The following BTG4 variants were observed in gnomAD, a reference collection of about 807,000 sequenced individuals.
The protein encoded by BTG4 is BTG anti-proliferation factor 4, also known as protein BTG4.
A neutral mutation model predicts 19.3 loss-of-function variants in BTG4; 10 were observed. The ratio of observed to expected loss-of-function variants is 0.52; its 90% confidence interval spans 0.32 to 0.88. The LOEUF (loss-of-function observed/expected upper bound fraction) is 0.88. Among genes scored for constraint, BTG4 ranks in the 40% least tolerant of loss-of-function variants. The pLI is 0.04. For missense variants in BTG4, 238 were observed against 281.9 expected, an observed-to-expected ratio of 0.84 and a Z score of 1.11; for synonymous variants, 91 against 95.7, an observed-to-expected ratio of 0.95 and a Z score of 0.29.
downstream of BTG4, among the ~76,000 whole-genome samples, chr11:111,494,627 G>A (rs893101503): frequency 2.0e-5 from 3 of 152,068 alleles, no homozygotes; most frequent in Non-Finnish European, 4.4e-5. Context: ...GAGGGTGAGG[G>A]GAGAAAGAAT....
the BTG4 span, chr11:111,452,508 C>A: frequency 6.6e-6 from 1 of 152,274 alleles, no homozygotes; most frequent in Non-Finnish European, 1.5e-5. Context: ...CGCCAGGATC[C>A]CCCAGGCCCT....
At chr11:111,420,597 G>T in the BTG4 span, among the ~76,000 whole-genome samples, 3 of 152,334 alleles carry the variant, frequency 2.0e-5, no homozygotes, top group East Asian at 5.8e-4. Flanking sequence ...GAGCTACTTT[G>T]CCCACCTGTG....
the BTG4 span, chr11:111,452,384 AC>A: frequency 6.6e-6 from 1 of 152,268 alleles, no homozygotes; most frequent in African/African-American, 2.4e-5. Context: ...TGGGACAAAG[AC>A]TGAACAGACT....
the BTG4 span, among the ~76,000 whole-genome samples, chr11:111,390,788 C>T: frequency 3.3e-5 from 5 of 152,200 alleles, no homozygotes; most frequent in Non-Finnish European, 5.9e-5. Context: ...ACTTGAACAT[C>T]TCATGATGCA....
the BTG4 span, among the ~76,000 whole-genome samples, chr11:111,433,292 A>G: frequency 6.6e-6 from 1 of 152,246 alleles, no homozygotes; most frequent in Admixed American, 6.5e-5. Context: ...TGACAAAAAC[A>G]AGCAACAGGG....
At chr11:111,413,373 G>A in the BTG4 span, among the ~76,000 whole-genome samples, 8 of 152,168 alleles carry the variant, frequency 5.3e-5, no homozygotes, top group Admixed American at 2.0e-4. Flanking sequence ...TCAGGTGATC[G>A]GAATGCACAC....
chr11:111,414,957 G>C, the BTG4 span: 12 of 152,244 alleles, frequency 7.9e-5, no homozygotes, highest in Non-Finnish European at 1.3e-4. Context: ...CTTTGGGGAG[G>C]CTGGGGAGAG....
At chr11:111,506,794 A>T (rs1407121031) in intron 1 of BTG4, among the ~76,000 whole-genome samples, 5 of 152,168 alleles carry the variant, frequency 3.3e-5, no homozygotes, top group African/African-American at 4.8e-5. Context: ...TTAATGGAAC[A>T]TACTAATTTT....
chr11:111,396,003 G>A, the BTG4 span, among the ~76,000 whole-genome samples: 4 of 152,226 alleles, frequency 2.6e-5, no homozygotes, highest in African/African-American at 9.6e-5. Context: ...GCCCAGACCT[G>A]ACGCTGCTGT....
downstream of BTG4, among the ~76,000 whole-genome samples, chr11:111,491,472 G>C (rs1196964168): frequency 6.6e-6 from 1 of 152,012 alleles, no homozygotes; most frequent in Non-Finnish European, 1.5e-5. Context: ...AGAAGGCCAG[G>C]CATGGTGGCT....
chr11:111,469,425 G>C (rs1452042751), intron 5 of BTG4: 2 of 152,146 alleles, frequency 1.3e-5, no homozygotes, highest in East Asian at 3.8e-4. Flanking sequence ...AAATGCTTTA[G>C]GCTTTGCAAC....
the BTG4 span, among the ~76,000 whole-genome samples, chr11:111,440,992 C>G: frequency 1.3e-5 from 2 of 152,202 alleles, no homozygotes; most frequent in Non-Finnish European, 2.9e-5. Flanking sequence ...GCAGACCCAT[C>G]TGGCCCAGAC....
chr11:111,458,153 C>T, the BTG4 span: 1 of 152,840 alleles, frequency 6.5e-6, no homozygotes, highest in Non-Finnish European at 1.5e-5. Flanking sequence ...GCACCATGTC[C>T]TGCAGCAGGC....
At chr11:111,418,528 C>T in the BTG4 span, among the ~76,000 whole-genome samples, 7 of 152,270 alleles carry the variant, frequency 4.6e-5, no homozygotes, top group Non-Finnish European at 8.8e-5. Flanking sequence ...GTCTGTCTTC[C>T]GCATAGAATG....
At chr11:111,455,428 G>A in the BTG4 span, 19,692 of 230,622 alleles carry the variant, frequency 0.085, 1,160 homozygotes, top group Non-Finnish European at 0.13. Flanking sequence ...AAGGCCAGCC[G>A]GAGGAGGCAC....
chr11:111,508,797 A>G (rs1866642844), intron 1 of BTG4, among the ~76,000 whole-genome samples: 1 of 149,674 alleles, frequency 6.7e-6, no homozygotes, highest in African/African-American at 2.4e-5. Flanking sequence ...TGAATTCTTA[A>G]TCTATTACTA....
At chr11:111,509,315 A>T (rs1016556079) in intron 1 of BTG4, among the ~76,000 whole-genome samples, 2 of 152,252 alleles carry the variant, frequency 1.3e-5, no homozygotes, top group Non-Finnish European at 2.9e-5. Context: ...TATACTATCA[A>T]GAAGTTTAAT....
the BTG4 span, among the ~76,000 whole-genome samples, chr11:111,384,066 T>G: frequency 6.6e-6 from 1 of 152,206 alleles, no homozygotes; most frequent in Non-Finnish European, 1.5e-5. Context: ...ATTTGAGAGT[T>G]TATCTTATTT....
chr11:111,455,320 C>T, the BTG4 span: 1 of 304,708 alleles, frequency 3.3e-6, no homozygotes, highest in Non-Finnish European at 6.6e-6. Flanking sequence ...GGGGTGTCCC[C>T]GAGCTTGCTG....
Sources: gnomAD v4.1 joint callset for allele counts (sites outside exome capture counted in the v4.1 genomes callset) on GRCh38, gnomAD v4.1.1 for gene constraint, MANE v1.5 for transcripts, NCBI Gene and HGNC (gene_info 2026-07-23, HGNC 2026-07-21) for gene names.